DCDC1: variants seen among roughly 807,000 people sequenced by gnomAD.
DCDC1 encodes the protein doublecortin domain containing 1.
DCDC1 carries 200 observed loss-of-function variants against 178.3 expected under a neutral mutation model. The ratio of observed to expected loss-of-function variants is 1.12; its 90% CI spans 1.00 to 1.26. The LOEUF (loss-of-function observed/expected upper bound fraction) is 1.26. DCDC1 is among the 50% of genes most tolerant of loss of function. DCDC1 has a pLI of 0.00. For missense variants in DCDC1, 1,983 were observed against 1,749.2 expected (o/e 1.13, Z -2.38); for synonymous variants, 690 against 604.8 (o/e 1.14, Z -2.07).
At chr11:31,346,721 C>T (rs901711932) in intron 1 of DCDC1, among the ~76,000 whole-genome samples, 4 of 151,948 alleles carry the variant, frequency 2.6e-5, no homozygotes, top group Non-Finnish European at 4.4e-5. Flanking sequence ...TATGTGAGTA[C>T]AATATGATTG....
rs76964797 is a variant in DCDC1 at position 30,918,451 on chromosome 11, G to C, written c.3294-1423C>G. Among the ~76,000 whole-genome samples, 418 of 152,298 alleles carry C rather than the reference G, an allele frequency of 2.7e-3. 1 individual carries two copies. The highest frequency in any genetic ancestry group is 9.5e-3 in the African/African-American group (395 of 41,570). ...GGAAGAGGAGAGATTAAATAGACAA[G>C]TAAATGAATAAACAAGATAAATGCC... On this transcript the variant is annotated intron_variant, in intron 25 of 38. Coordinates refer to ENST00000684477, the MANE Select transcript of DCDC1 (RefSeq NM_001387274.1).
At chr11:30,941,310 C>T (rs796969519) in intron 21 of DCDC1, among the ~76,000 whole-genome samples, 11 of 152,246 alleles carry the variant, frequency 7.2e-5, no homozygotes, top group African/African-American at 2.6e-4. Flanking sequence ...TCCAGACCCT[C>T]CCACGGCTTT....
intron 36 of DCDC1, among the ~76,000 whole-genome samples, chr11:30,888,092 G>GAA (rs1565029538): frequency 3.1e-3 from 321 of 104,742 alleles, no homozygotes; most frequent in African/African-American, 6.8e-3. Context: ...GAGAAAGAAA[G>GAA]AAAGAAAAAG....
chr11:30,906,383 G>A, intron 30 of DCDC1, 157 bp downstream of exon 30: 2 of 743,500 alleles, frequency 2.7e-6, no homozygotes, highest in South Asian at 4.6e-5. Context: ...TTACAATGGG[G>A]AAAAGGAAAT....
At chr11:31,309,749 A>G (rs1948661494) in intron 3 of DCDC1, among the ~76,000 whole-genome samples, 1 of 152,198 alleles carries the variant, frequency 6.6e-6, no homozygotes, top group African/African-American at 2.4e-5. Context: ...TTTTAACATA[A>G]CAATCCATTA....
At chr11:31,192,118 G>A (rs905866603) in intron 9 of DCDC1, among the ~76,000 whole-genome samples, 16 of 151,790 alleles carry the variant, frequency 1.1e-4, no homozygotes, top group South Asian at 4.2e-4. Flanking sequence ...AAAATCTCTC[G>A]AATCTTTTCC....
intron 9 of DCDC1, among the ~76,000 whole-genome samples, chr11:31,212,500 TAGCTAACTG>T (rs1972685481): frequency 2.0e-5 from 3 of 152,052 alleles, no homozygotes; most frequent in Non-Finnish European, 4.4e-5. Flanking sequence ...AAGATGAACA[TAGCTAACTG>T]GGCAAAGATA....
intron 1 of DCDC1, among the ~76,000 whole-genome samples, chr11:31,356,626 CA>C (rs1372435418): frequency 1.3e-5 from 2 of 150,308 alleles, no homozygotes; most frequent in Non-Finnish European, 3.0e-5. Flanking sequence ...AAAAACCCTT[CA>C]AAAAATTAAT....
chr11:30,999,103 G>T lies in DCDC1; in HGVS notation c.2592-46535C>A, dbSNP rs1341403558. On this transcript the variant is annotated intron_variant, in intron 20 of 38. Coordinates refer to ENST00000684477, the MANE Select transcript of DCDC1 (RefSeq NM_001387274.1). ...CACTATTCAGAAGGGTCAAGGCTAT[G>T]AAAAATGAGGACATTTTGGGAAACT... Among the ~76,000 whole-genome samples the T allele has an allele frequency of 2.0e-5, 3 of 152,274 alleles. No individual in the cohort carries two copies. In the South Asian group the frequency reaches 6.2e-4, roughly 32 times the overall value.
At chr11:31,043,984 TC>T (rs1489893569) in intron 20 of DCDC1, among the ~76,000 whole-genome samples, 1 of 152,018 alleles carries the variant, frequency 6.6e-6, no homozygotes, top group Non-Finnish European at 1.5e-5. Context: ...ATTTTACAAA[TC>T]GCCCTCAAAG....
At chr11:31,351,822 C>T in intron 1 of DCDC1, among the ~76,000 whole-genome samples, 1 of 152,088 alleles carries the variant, frequency 6.6e-6, no homozygotes, top group Admixed American at 6.6e-5. Context: ...AATGCTAATC[C>T]AGGAACTACT....
intron 37 of DCDC1, among the ~76,000 whole-genome samples, chr11:30,879,567 C>A (rs1004372596): frequency 6.6e-6 from 1 of 152,104 alleles, no homozygotes; most frequent in African/African-American, 2.4e-5. Flanking sequence ...CATGGGGAAC[C>A]TATTGTCATA....
chr11:30,906,792 A>G, intron 29 of DCDC1, 67 bp from the exon 30 acceptor site: 1 of 1,374,946 alleles, frequency 7.3e-7, no homozygotes, highest in South Asian at 1.8e-5. Flanking sequence ...GCTGTAGAAC[A>G]TTTTACAATA....
chr11:30,888,194 GAGAA>G (rs932359106), intron 36 of DCDC1, among the ~76,000 whole-genome samples: 1 of 151,774 alleles, frequency 6.6e-6, no homozygotes, highest in African/African-American at 2.4e-5. Context: ...AAGGAAGAGA[GAGAA>G]AGAAAGAGAA....
chr11:31,364,600 G>T (rs1951869525), intron 1 of DCDC1, among the ~76,000 whole-genome samples: 1 of 152,194 alleles, frequency 6.6e-6, no homozygotes, highest in African/African-American at 2.4e-5. Flanking sequence ...ACAGCAACAA[G>T]TGCGGTGCCC....
chr11:30,933,326 T>C (rs960883040), intron 21 of DCDC1, among the ~76,000 whole-genome samples: 3 of 152,130 alleles, frequency 2.0e-5, no homozygotes, highest in Admixed American at 2.0e-4. Flanking sequence ...ATAAGTGCTC[T>C]ATATTAGGTT....
intron 11 of DCDC1, among the ~76,000 whole-genome samples, chr11:31,113,748 T>C (rs186963313): frequency 7.9e-5 from 12 of 152,202 alleles, no homozygotes; most frequent in Non-Finnish European, 1.6e-4. Flanking sequence ...ATAGAGATAA[T>C]CGAAAGATAA....
intron 9 of DCDC1, among the ~76,000 whole-genome samples, chr11:31,150,609 GAGAA>G (rs1163433875): frequency 6.6e-6 from 1 of 151,998 alleles, no homozygotes; most frequent in Non-Finnish European, 1.5e-5. Flanking sequence ...TCTGTATAAA[GAGAA>G]AGAGATGCAT....
intron 18 of DCDC1, among the ~76,000 whole-genome samples, chr11:31,068,976 C>T (rs892149004): frequency 9.2e-5 from 14 of 151,976 alleles, no homozygotes; most frequent in African/African-American, 3.1e-4. Flanking sequence ...CTCAGCCTCC[C>T]GAGTAGCTGG....
Sources: allele counts gnomAD v4.1 joint callset (sites outside exome capture counted in the v4.1 genomes callset), GRCh38; gene constraint gnomAD v4.1.1; transcripts MANE v1.5; gene names NCBI Gene and HGNC (gene_info 2026-07-23, HGNC 2026-07-21).